KIF3B: variants seen among roughly 807,000 people sequenced by gnomAD.
KIF3B encodes kinesin-like protein KIF3B.
KIF3B carries 38 observed loss-of-function variants against 74.3 expected under a neutral mutation model. The ratio of observed to expected loss-of-function variants is 0.51; its 90% CI spans 0.39 to 0.67. KIF3B has a LOEUF of 0.67. Ranked by LOEUF, KIF3B falls within the 30% of genes least tolerant of loss-of-function variation. The pLI is 0.00. For synonymous variants in KIF3B, 326 were observed against 342.5 expected (o/e 0.95, Z 0.53); for missense variants, 649 against 932.0 (o/e 0.70, Z 3.95).
intron 2 of KIF3B, among the ~76,000 whole-genome samples, 170 bp from the exon 3 acceptor site, chr20:32,316,048 A>G (rs1373975054): frequency 1.3e-5 from 2 of 152,166 alleles, no homozygotes; most frequent in East Asian, 3.8e-4. Flanking sequence ...AAGCTGCCCC[A>G]GTCCCTCACC....
At chr20:32,322,741 TTTATTTA>T (rs2047870850) in intron 5 of KIF3B, among the ~76,000 whole-genome samples, 9 of 61,212 alleles carry the variant, frequency 1.5e-4, no homozygotes, top group Non-Finnish European at 5.0e-5. Flanking sequence ...TTTATATATA[TTTATTTA>T]TATATATATT....
chr20:32,322,786 A>T (rs1312429004), intron 5 of KIF3B, among the ~76,000 whole-genome samples: 5 of 65,148 alleles, frequency 7.7e-5, no homozygotes, highest in Non-Finnish European at 1.2e-4. Context: ...ATATTTATAT[A>T]TATTTATATA....
rs1227538214 is a variant in KIF3B at position 32,310,893 on chromosome 20, G to T, written c.1116G>T (p.Arg372=). 6.2e-7 allele frequency: 1 copy of T among 1,613,770 alleles called. No homozygotes were observed. Among genetic ancestry groups the T allele is most frequent in the Non-Finnish European group, 8.5e-7 (1 of 1,179,950 alleles). ...IARLKAQLEK[R]SIGRRKRREK... is the part of the protein sequence containing the mutation. ...GGCTCAAGGCCCAGCTGGAAAAACG[G>T]TCCATTGGTAGGAGGAAGAGGCGAG... is the stretch of plus-strand genomic sequence containing the variant. The change falls in exon 2 of 9, where the codon CGG becomes CGT. Residue 372 remains arginine (R), a synonymous_variant. Transcript: ENST00000375712. The surrounding 1 kb of genome is among the most constrained non-coding windows in gnomAD (Gnocchi z 6.5).
At chr20:32,304,131 G>T (rs1390402268) in intron 1 of KIF3B, among the ~76,000 whole-genome samples, 13 of 152,106 alleles carry the variant, frequency 8.5e-5, no homozygotes. Flanking sequence ...ACGTCTTCTG[G>T]ATTTCTTCAT....
chr20:32,316,845 G>A lies in KIF3B; in HGVS notation c.1719G>A (p.Gln573=), dbSNP rs760865444. Residue 573 remains glutamine, a synonymous_variant, in exon 5 of 9, where the codon CAG becomes CAA. Transcript: ENST00000375712. ...IKERQELEQT[Q]NELTRELKLK... is the part of the protein sequence containing the mutation. ...AGCGCCAAGAGCTAGAGCAGACTCA[G>A]AATGAGCTCACCAGGGAGCTGAAAC... 1.2e-6 allele frequency: 2 copies of A among 1,614,014 alleles called. No individual in the cohort carries two copies. Among genetic ancestry groups the A allele is most frequent in the South Asian group, 2.2e-5 (2 of 91,070 alleles).
chr20:32,286,418 A>G (rs1469695258), intron 1 of KIF3B, among the ~76,000 whole-genome samples: 1 of 152,254 alleles, frequency 6.6e-6, no homozygotes, highest in Non-Finnish European at 1.5e-5. Context: ...ATAAAATATC[A>G]GTTCAAGTTA....
chr20:32,319,582 G>GTTTTTTT (rs34028388), intron 5 of KIF3B, among the ~76,000 whole-genome samples: 271 of 91,982 alleles, frequency 2.9e-3, no homozygotes, highest in South Asian at 4.0e-3. Flanking sequence ...TTTTGTTTTT[G>GTTTTTTT]TTTTTTTTTT....
At chr20:32,317,126 A>C (rs536085193) in intron 5 of KIF3B, among the ~76,000 whole-genome samples, 3 of 152,214 alleles carry the variant, frequency 2.0e-5, no homozygotes, top group African/African-American at 7.2e-5. Context: ...AGTCCTAGCT[A>C]CTTGGGAGGC....
Position 32,310,416 on chromosome 20 carries a change from G to A in KIF3B, c.639G>A (p.Ser213=), listed in dbSNP as rs926946845. Residue 213 remains serine (S), a synonymous_variant, in exon 2 of 9, where the codon TCG becomes TCA. Transcript: ENST00000375712. This position sits in a 1 kb window ranked among gnomAD's most constrained non-coding sequence, Gnocchi z 6.5. ...CTACCAACATGAACGAGCACAGCTC[G>A]CGTTCTCATGCAATTTTCGTTATCA... ...VGATNMNEHS[S]RSHAIFVITI... is the part of the protein sequence containing the mutation. 3 of 1,614,140 alleles carry A rather than the reference G, an allele frequency of 1.9e-6. No individual in the cohort carries two copies. Among genetic ancestry groups the A allele is most frequent in the South Asian group, 1.1e-5 (1 of 91,076 alleles).
At chr20:32,328,938 C>T (rs904475307) in intron 7 of KIF3B, among the ~76,000 whole-genome samples, 3 of 152,122 alleles carry the variant, frequency 2.0e-5, no homozygotes, top group Non-Finnish European at 4.4e-5. Flanking sequence ...GATGGAGTCT[C>T]GCTCTGTCGC....
chr20:32,311,084 C>T lies in KIF3B; in HGVS notation c.1307C>T (p.Ala436Val), dbSNP rs2047798057. Residue 436 changes from alanine (A) to valine (V), a missense_variant, in exon 2 of 9, where the codon GCA becomes GTA. By Grantham distance (64) the Ala-to-Val change is moderately conservative (BLOSUM62 0). Around this residue, in one of 4 missense-constraint regions of KIF3B, gnomAD observed 363 missense variants for 592.8 expected, o/e 0.61. Coordinates refer to ENST00000375712, the MANE Select transcript of KIF3B (RefSeq NM_004798.4). ...RAIVEDHSLVAEEKMRLLKEK... is the reference protein window; with the variant it reads ...RAIVEDHSLVVEEKMRLLKEK... ...ATTGTAGAGGATCACAGCTTGGTTG[C>T]AGAGGAGAAGATGAGGCTGCTGAAG... is the stretch of plus-strand genomic sequence containing the variant. 6.2e-7 allele frequency: 1 copy of T among 1,613,548 alleles called. No homozygotes were observed. The highest frequency in any genetic ancestry group is 1.1e-5 in the South Asian group (1 of 91,020).
intron 5 of KIF3B, among the ~76,000 whole-genome samples, chr20:32,325,927 A>G (rs62208773): frequency 6.6e-6 from 1 of 151,728 alleles, no homozygotes; most frequent in African/African-American, 2.4e-5. Context: ...TCGGCCTCCC[A>G]AAGTGTTAGG....
At chr20:32,288,355 T>C (rs2047676704) in intron 1 of KIF3B, among the ~76,000 whole-genome samples, 1 of 151,988 alleles carries the variant, frequency 6.6e-6, no homozygotes, top group Non-Finnish European at 1.5e-5. Flanking sequence ...CCGGGTGCAG[T>C]GGCTTGCACC....
intron 1 of KIF3B, among the ~76,000 whole-genome samples, chr20:32,279,467 CTTT>C (rs769199761): frequency 2.9e-5 from 4 of 139,796 alleles, no homozygotes; most frequent in Admixed American, 7.2e-5. Context: ...TAGTTGGAAT[CTTT>C]TTTTTTTTTT....
intron 1 of KIF3B, among the ~76,000 whole-genome samples, chr20:32,285,803 T>G (rs1191821336): frequency 1.3e-5 from 2 of 152,208 alleles, no homozygotes; most frequent in African/African-American, 2.4e-5. Flanking sequence ...CTTTCGGGTG[T>G]GGCTTTTAGA....
At chr20:32,292,043 C>G (rs564808022) in intron 1 of KIF3B, among the ~76,000 whole-genome samples, 28 of 152,180 alleles carry the variant, frequency 1.8e-4, no homozygotes, top group Non-Finnish European at 3.2e-4. Flanking sequence ...TCAAGTGATC[C>G]TCCCAACTTA....
chr20:32,320,481 ATGTG>A (rs145644184), intron 5 of KIF3B, among the ~76,000 whole-genome samples: 5 of 141,668 alleles, frequency 3.5e-5, no homozygotes, highest in South Asian at 2.2e-4. Context: ...CTTTCTTCAT[ATGTG>A]TGTGTGTGTG....
chr20:32,287,872 CTTTTTTTTTTTT>C (rs10699896), intron 1 of KIF3B, among the ~76,000 whole-genome samples: 44 of 47,496 alleles, frequency 9.3e-4, no homozygotes, highest in Admixed American at 8.2e-3. Context: ...CTAAAAGTAT[CTTTTTTTTTTTT>C]TTTTTTTTTT....
At chr20:32,312,399 C>T (rs909038615) in intron 2 of KIF3B, among the ~76,000 whole-genome samples, 9 of 152,136 alleles carry the variant, frequency 5.9e-5, no homozygotes, top group Non-Finnish European at 1.5e-5. Context: ...GCCACTGCAC[C>T]CAGCTGATAC....
Sources: allele counts gnomAD v4.1 joint callset (sites outside exome capture counted in the v4.1 genomes callset), GRCh38; gene constraint gnomAD v4.1.1; regional missense constraint gnomAD v4.1.1; non-coding constraint Gnocchi (gnomAD v3.1); transcripts MANE v1.5; gene names NCBI Gene and HGNC (gene_info 2026-07-23, HGNC 2026-07-21).